VAV3: variants seen among roughly 807,000 people sequenced by gnomAD.
VAV3 encodes the protein guanine nucleotide exchange factor VAV3.
In VAV3, 94 loss-of-function variants were observed where a neutral mutation model predicts 131.2. The observed-to-expected ratio is 0.72, with a 90% CI of 0.61 to 0.85. The LOEUF (loss-of-function observed/expected upper bound fraction) is 0.85. VAV3 is among the 40% of genes least tolerant of loss of function. The pLI, the probability that VAV3 is intolerant of heterozygous loss-of-function variation, is 0.00. For synonymous variants in VAV3, 349 were observed against 342.0 expected (o/e 1.02, Z -0.22); for missense variants, 939 against 1,002.7 (o/e 0.94, Z 0.86).
chr1:107,695,839 T>C (rs1434865814), intron 17 of VAV3, among the ~76,000 whole-genome samples: 1 of 152,128 alleles, frequency 6.6e-6, no homozygotes, highest in Non-Finnish European at 1.5e-5. Context: ...AAGGCCTAAA[T>C]GTGATGTGCC....
intron 20 of VAV3, among the ~76,000 whole-genome samples, chr1:107,624,430 T>G: frequency 7.1e-6 from 1 of 140,676 alleles, no homozygotes; most frequent in African/African-American, 2.6e-5. Flanking sequence ...AACAAGAGAA[T>G]ACCTTTAATG....
chr1:107,805,321 A>G (rs1464260966), intron 2 of VAV3, among the ~76,000 whole-genome samples: 1 of 152,140 alleles, frequency 6.6e-6, no homozygotes, highest in Non-Finnish European at 1.5e-5. Context: ...CTAATATTCT[A>G]TATCTCATAC....
At chr1:107,918,707 T>TA (rs1557923397) in intron 1 of VAV3, among the ~76,000 whole-genome samples, 153 of 49,416 alleles carry the variant, frequency 3.1e-3, no homozygotes, top group Middle Eastern at 0.021. Flanking sequence ...ATATATATAT[T>TA]TTTTTTTTTT....
intron 25 of VAV3, among the ~76,000 whole-genome samples, chr1:107,586,198 A>G (rs148092617): frequency 7.2e-6 from 1 of 139,188 alleles, no homozygotes; most frequent in Non-Finnish European, 1.5e-5. Flanking sequence ...ACACTTAATT[A>G]TTTTTCTAAA....
chr1:107,656,865 T>C (rs1656602465), intron 19 of VAV3, among the ~76,000 whole-genome samples: 1 of 150,960 alleles, frequency 6.6e-6, no homozygotes, highest in Admixed American at 6.6e-5. Flanking sequence ...CTCCTGCATA[T>C]AAGCCTAACT....
chr1:107,764,138 GACTTAACCTAGGTTTCTA>G lies in VAV3; in HGVS notation c.921+920_921+937del, dbSNP rs1297842145. On this transcript the variant is annotated intron_variant, in intron 9 of 26. Transcript: ENST00000370056. ...AAAAACATGATGTACAAAAAAACAC[GACTTAACCTAGGTTTCTA>G]GACTTATATACTGTTGTGATCATGC... Among the ~76,000 whole-genome samples the G allele has an allele frequency of 3.3e-5, 5 of 150,792 alleles. No individual in the cohort carries two copies. The East Asian group carries it at 9.7e-4, about 29-fold the overall frequency.
intron 24 of VAV3, among the ~76,000 whole-genome samples, chr1:107,600,635 T>G (rs1306914517): frequency 6.6e-6 from 1 of 152,234 alleles, no homozygotes; most frequent in African/African-American, 2.4e-5. Flanking sequence ...TGGCACAATT[T>G]TTTTTTAATG....
chr1:107,616,116 A>G (rs557344833), intron 21 of VAV3, among the ~76,000 whole-genome samples: 2 of 152,304 alleles, frequency 1.3e-5, no homozygotes, highest in East Asian at 3.9e-4. Context: ...ACCCAAAGAA[A>G]TATAAATTGT....
Position 107,878,038 on chromosome 1 carries a change from T to C in VAV3, c.205-3021A>G, listed in dbSNP as rs188400566. Among the ~76,000 whole-genome samples the C allele has an allele frequency of 4.4e-3, 624 of 141,702 alleles. 5 individuals are homozygous for C. The highest frequency in any genetic ancestry group is 0.015 in the African/African-American group (586 of 39,614). 93.0% of individuals were successfully genotyped at this position (141,702 alleles called of 152,430 possible). A position where few individuals can be genotyped will look rare whatever the true frequency, so the allele number is the denominator to read the frequency against. ...ACTGATTTTTTTTCCAGTTTATTTA[T>C]TTTATTTTTTTGAATTTCAGAACAA... On this transcript the variant is annotated intron_variant, in intron 1 of 26. Transcript: ENST00000370056.
At chr1:107,908,613 G>C (rs1571126171) in intron 1 of VAV3, among the ~76,000 whole-genome samples, 1 of 151,696 alleles carries the variant, frequency 6.6e-6, no homozygotes, top group African/African-American at 2.4e-5. Flanking sequence ...TTCACTCTTC[G>C]GGCCTTTGGT....
chr1:107,634,682 G>A (rs959075899), intron 20 of VAV3, among the ~76,000 whole-genome samples: 4 of 150,910 alleles, frequency 2.7e-5, no homozygotes, highest in African/African-American at 9.7e-5. Flanking sequence ...AGAGTGAACA[G>A]GCAACCTACA....
At chr1:107,859,303 C>G (rs187603504) in intron 2 of VAV3, among the ~76,000 whole-genome samples, 1 of 152,148 alleles carries the variant, frequency 6.6e-6, no homozygotes, top group East Asian at 1.9e-4. Flanking sequence ...ACTCCTGGGG[C>G]TCCAGTGATT....
At chr1:107,767,255 T>C (rs1196779882) in intron 7 of VAV3, among the ~76,000 whole-genome samples, 2 of 152,222 alleles carry the variant, frequency 1.3e-5, no homozygotes, top group Non-Finnish European at 2.9e-5. Context: ...TTTTTCCCGA[T>C]AAGCAACTAA....
intron 2 of VAV3, among the ~76,000 whole-genome samples, chr1:107,854,859 A>G (rs1243480313): frequency 6.6e-6 from 1 of 152,206 alleles, no homozygotes. Context: ...AAAATTCTGT[A>G]TTTTAACATG....
chr1:107,882,115 G>A (rs562311243), intron 1 of VAV3, among the ~76,000 whole-genome samples: 6 of 152,216 alleles, frequency 3.9e-5, no homozygotes, highest in African/African-American at 1.4e-4. Flanking sequence ...CAATGGAAGA[G>A]GAAAAATCTC....
intron 25 of VAV3, among the ~76,000 whole-genome samples, chr1:107,577,926 G>C (rs1165440816): frequency 6.6e-6 from 1 of 152,190 alleles, no homozygotes; most frequent in Non-Finnish European, 1.5e-5. Context: ...CAAGCATGAG[G>C]TAAAAGTGAG....
Position 107,777,227 on chromosome 1 carries a change from A to T in VAV3, c.446+4T>A. 1 of 1,613,764 alleles carries T rather than the reference A, an allele frequency of 6.2e-7. No homozygotes were observed. The highest frequency in any genetic ancestry group is 1.1e-5 in the South Asian group (1 of 91,072). The stretch of plus-strand genomic sequence containing the variant: ...CTAAATTTTGCTTGAAATTTTCAAC[A>T]TACTCTATTAAATCAGGAAGGCCTT... On this transcript the variant is annotated splice_donor_region_variant and intron_variant, in intron 4 of 26. Coordinates refer to ENST00000370056, the MANE Select transcript of VAV3 (RefSeq NM_006113.5).
intron 2 of VAV3, among the ~76,000 whole-genome samples, chr1:107,789,185 G>A (rs1199163569): frequency 6.6e-6 from 1 of 152,200 alleles, no homozygotes; most frequent in Non-Finnish European, 1.5e-5. Context: ...AATGCTCAGA[G>A]CTGCCCACAA....
At chr1:107,670,365 A>ACT (rs1657697908) in intron 19 of VAV3, among the ~76,000 whole-genome samples, 1 of 152,024 alleles carries the variant, frequency 6.6e-6, no homozygotes, top group South Asian at 2.1e-4. Flanking sequence ...TAACCAACAC[A>ACT]CTCTACTTCT....
Sources: allele counts gnomAD v4.1 joint callset (sites outside exome capture counted in the v4.1 genomes callset), GRCh38; gene constraint gnomAD v4.1.1; transcripts MANE v1.5; gene names NCBI Gene and HGNC (gene_info 2026-07-23, HGNC 2026-07-21).